ARHGAP23: variants seen among roughly 807,000 people sequenced by gnomAD.
ARHGAP23 encodes rho GTPase-activating protein 23.
A neutral mutation model predicts 136.3 loss-of-function variants in ARHGAP23; 34 were observed. That is an observed-to-expected ratio of 0.25 (90% CI 0.19 to 0.33). The LOEUF is 0.33. ARHGAP23 is among the 10% of genes least tolerant of loss of function. The probability of loss-of-function intolerance (pLI) is 1.00; values close to 1 mark genes in which losing one functional copy is unlikely to be tolerated. For synonymous variants in ARHGAP23, 832 were observed against 920.5 expected (o/e 0.90, Z 1.74); for missense variants, 1,808 against 2,139.0 (o/e 0.85, Z 3.05).
intron 1 of ARHGAP23, chr17:38,452,261 C>A: frequency 6.6e-6 from 1 of 152,058 alleles, no homozygotes. Flanking sequence ...TGCCCCCAGG[C>A]CCCTCCCCAT....
intron 1 of ARHGAP23, among the ~76,000 whole-genome samples, 191 bp downstream of exon 1, chr17:38,428,739 C>CGGGGTA (rs929443911): frequency 6.6e-6 from 1 of 151,926 alleles, no homozygotes; most frequent in Non-Finnish European, 1.5e-5. Flanking sequence ...AAGAGCTGTC[C>CGGGGTA]GGGGTAGAGG....
At chr17:38,428,633 C>G (rs1331532208) in intron 1 of ARHGAP23, 85 bp downstream of exon 1, 1 of 941,830 alleles carries the variant, frequency 1.1e-6, no homozygotes. Context: ...CGACCCCGCT[C>G]GCCCTGCACA....
At chr17:38,464,007 C>G (rs2039522919) in intron 6 of ARHGAP23, among the ~76,000 whole-genome samples, 1 of 152,092 alleles carries the variant, frequency 6.6e-6, no homozygotes, top group Non-Finnish European at 1.5e-5. Context: ...AAACACGACA[C>G]ACTCACCAGC....
intron 14 of ARHGAP23, among the ~76,000 whole-genome samples, chr17:38,481,348 C>T (rs1200150395): frequency 8.5e-5 from 13 of 152,084 alleles, no homozygotes; most frequent in Admixed American, 3.3e-4. Context: ...AGGGTTTCAC[C>T]GTGTTAGCCA....
chr17:38,485,232 T>G (rs2040134441), intron 16 of ARHGAP23, among the ~76,000 whole-genome samples: 1 of 152,178 alleles, frequency 6.6e-6, no homozygotes, highest in South Asian at 2.1e-4. Flanking sequence ...ATCCACTAGA[T>G]GCAAGTGGCA....
At chr17:38,460,214 T>C (rs965985968) in intron 2 of ARHGAP23, among the ~76,000 whole-genome samples, 3 of 152,194 alleles carry the variant, frequency 2.0e-5, no homozygotes, top group Non-Finnish European at 4.4e-5. Flanking sequence ...CTTGACACCC[T>C]GCACCCAGGT....
Position 38,466,569 on chromosome 17 carries a change from G to C in ARHGAP23, c.886G>C (p.Val296Leu), listed in dbSNP as rs1469313175. 2.7e-6 allele frequency: 4 copies of C among 1,487,038 alleles called. No individual in the cohort carries two copies. The highest frequency in any genetic ancestry group is 3.6e-6 in the Non-Finnish European group (4 of 1,124,600). The allele number at this position is 1,487,038 out of a possible 1,614,324, so 92.1% of individuals were successfully genotyped here. ...CTTGTCACACTGGCTGTCAAACCAG[G>C]TACCCCGCCGGGCGGGGGAGAGACG... Reference protein sequence around the residue: ...QALSHWLSNQVPRRAGERRCP... With the variant: ...QALSHWLSNQLPRRAGERRCP... Residue 296 changes from valine (V) to leucine (L), a missense_variant, in exon 7 of 24, where the codon GTA (valine) becomes CTA (leucine). Around this residue, in one of 7 missense-constraint regions of ARHGAP23, gnomAD observed 859 missense variants for 936.4 expected, o/e 0.92. Coordinates refer to ENST00000622683, the MANE Select transcript of ARHGAP23 (RefSeq NM_001199417.2).
intron 1 of ARHGAP23, among the ~76,000 whole-genome samples, chr17:38,443,037 A>G (rs2038954010): frequency 1.3e-5 from 2 of 152,236 alleles, no homozygotes; most frequent in Admixed American, 1.3e-4. Flanking sequence ...TCTTTATTTT[A>G]TAGCTGAAGA....
chr17:38,495,807 T>C (rs940864269), intron 20 of ARHGAP23, among the ~76,000 whole-genome samples: 11 of 152,212 alleles, frequency 7.2e-5, no homozygotes, highest in Non-Finnish European at 1.3e-4. Flanking sequence ...ATTCTTTGTG[T>C]GTTTTAAGTC....
chr17:38,482,142 A>G lies in ARHGAP23; in HGVS notation c.2750A>G (p.Gln917Arg). The G allele has an allele frequency of 6.5e-7, 1 of 1,548,692 alleles. No homozygotes were observed. The highest frequency in any genetic ancestry group is 8.7e-7 in the Non-Finnish European group (1 of 1,146,286). ...GAGTGCCAGCCAGCCACGGAGAACC[A>G]GGTGAGTCTCTGCCACACGCCAGAG... ...LEECQPATEN[Q>R]RVPLIVAACC... Residue 917 changes from glutamine to arginine, a missense_variant and splice_region_variant, in exon 15 of 24, where the codon CAG becomes CGG. Gln to Arg is a conservative substitution (Grantham distance 43). This residue lies in a region of ARHGAP23 where 105 missense variants were observed against 200.6 expected (regional missense o/e 0.52). Transcript: ENST00000622683.
rs182020654 is a variant in ARHGAP23, at chr17:38,482,087, G to A, written c.2695G>A (p.Ala899Thr). 5.2e-6 allele frequency: 8 copies of A among 1,549,846 alleles called. No individual in the cohort carries two copies. The highest frequency in any genetic ancestry group is 4.8e-5 in the South Asian group (4 of 83,804). ...CATCATCAAGAAAAATAAGAAGGCC[G>A]CTCCGAGGGCGTTTGGGGTCAGGCT... ...INIIKKNKKA[A>T]PRAFGVRLEE... Residue 899 changes from alanine to threonine, a missense_variant, in exon 15 of 24, where the codon GCT (alanine) becomes ACT (threonine). This residue lies in a region of ARHGAP23 where 73 missense variants were observed against 82.5 expected (regional missense o/e 0.88). Transcript: ENST00000622683.
At chr17:38,488,029 G>A (rs1230602666) in intron 17 of ARHGAP23, among the ~76,000 whole-genome samples, 1 of 152,006 alleles carries the variant, frequency 6.6e-6, no homozygotes, top group African/African-American at 2.4e-5. Context: ...AGCCTCCTGA[G>A]TAGTTGGGAC....
chr17:38,457,719 C>A, intron 1 of ARHGAP23: 1 of 310,974 alleles, frequency 3.2e-6, no homozygotes. Context: ...TGAGATTGTG[C>A]ATGAGCTAAG....
intron 1 of ARHGAP23, chr17:38,450,853 C>T (rs2039145228): frequency 6.6e-6 from 1 of 152,242 alleles, no homozygotes; most frequent in African/African-American, 2.4e-5. Flanking sequence ...GATGCCCTCC[C>T]TTTGGGGATG....
At chr17:38,435,378 G>A (rs1033431441) in intron 1 of ARHGAP23, among the ~76,000 whole-genome samples, 3 of 152,144 alleles carry the variant, frequency 2.0e-5, no homozygotes, top group Non-Finnish European at 1.5e-5. Context: ...TCTGACCTGC[G>A]GTGATTCCAT....
chr17:38,505,685 T>C (rs1597853535), intron 23 of ARHGAP23, among the ~76,000 whole-genome samples: 2 of 152,234 alleles, frequency 1.3e-5, no homozygotes, highest in South Asian at 4.2e-4. Context: ...TCCCAGCACT[T>C]TGGGAGGCCA....
At position 38,497,904 on chromosome 17, in the gene ARHGAP23, C is replaced by T. The variant is rs139906861; in HGVS notation, c.3318+78C>T. On this transcript the variant is annotated intron_variant, in intron 21 of 23. Transcript: ENST00000622683. Reference sequence around the variant, plus strand: ...CAGTCCTTGGGGGTGGGGCAGGCAGCGGGACTTAAGCCGGGGAAGGTGTCT... The same window carrying T: ...CAGTCCTTGGGGGTGGGGCAGGCAGTGGGACTTAAGCCGGGGAAGGTGTCT... The T allele has an allele frequency of 2.0e-5, 29 of 1,450,318 alleles. No individual in the cohort carries two copies. In the East Asian group the frequency reaches 3.0e-4, roughly 15 times the overall value. 89.8% of individuals were successfully genotyped at this position (1,450,318 alleles called of 1,614,324 possible).
Position 38,507,276 on chromosome 17 carries a change from A to AAATT in ARHGAP23, c.3448-2665_3448-2664insTAAT, listed in dbSNP as rs142246291. On this transcript the variant is annotated intron_variant, in intron 23 of 23. Coordinates refer to ENST00000622683, the MANE Select transcript of ARHGAP23 (RefSeq NM_001199417.2). Reference sequence around the variant, plus strand: ...GGTGACAGAGGGAGACTCCGTCTCAAAATAATAATAATAATAATAATAATA... The same window carrying AAATT: ...GGTGACAGAGGGAGACTCCGTCTCAAAATTAATAATAATAATAATAATAATAATA... 2.6e-3 allele frequency among the ~76,000 whole-genome samples: 351 copies of AAATT among 136,674 alleles called. 2 individuals carry two copies. The highest frequency in any genetic ancestry group is 0.014 in the Middle Eastern group (4 of 276). The allele number at this position is 136,674 out of a possible 152,430, so 89.7% of individuals were successfully genotyped here.
At chr17:38,496,465 C>A (rs991906151) in intron 20 of ARHGAP23, among the ~76,000 whole-genome samples, 2 of 152,086 alleles carry the variant, frequency 1.3e-5, no homozygotes, top group African/African-American at 4.8e-5. Context: ...CAGCGAGAGA[C>A]CCTATCTCAA....
Sources: gnomAD v4.1 joint callset for allele counts (sites outside exome capture counted in the v4.1 genomes callset) on GRCh38, gnomAD v4.1.1 for gene constraint, gnomAD v4.1.1 regional missense constraint, MANE v1.5 for transcripts, NCBI Gene and HGNC (gene_info 2026-07-23, HGNC 2026-07-21) for gene names.